WDR70: variants seen among roughly 807,000 people sequenced by gnomAD.
WDR70 encodes the protein WD repeat-containing protein 70.
Under a neutral mutation model 88.6 loss-of-function variants are expected in WDR70, and 53 were observed. The ratio of observed to expected loss-of-function variants is 0.60; its 90% CI spans 0.48 to 0.75. The LOEUF (loss-of-function observed/expected upper bound fraction) is 0.75. Among genes scored for constraint, WDR70 ranks in the 30% least tolerant of loss-of-function variants. The pLI, the probability that WDR70 is intolerant of heterozygous loss-of-function variation, is 0.00. For synonymous variants in WDR70, 280 were observed against 270.0 expected, an observed-to-expected ratio of 1.04 and a Z score of -0.36; for missense variants, 610 against 823.2, an observed-to-expected ratio of 0.74 and a Z score of 3.17.
chr5:37,551,195 C>G (rs1742133559), intron 9 of WDR70, among the ~76,000 whole-genome samples: 1 of 151,778 alleles, frequency 6.6e-6, no homozygotes, highest in Non-Finnish European at 1.5e-5. Flanking sequence ...GTCCCAGCTG[C>G]TCAGGAGGCC....
intron 5 of WDR70, among the ~76,000 whole-genome samples, chr5:37,401,973 G>A (rs953331673): frequency 1.3e-5 from 2 of 152,134 alleles, no homozygotes; most frequent in Non-Finnish European, 2.9e-5. Context: ...AAAATATGGA[G>A]TAAACAGTTG....
rs576335641 is a variant in WDR70 at position 37,483,732 on chromosome 5, C to T, written c.840+3745C>T. Among the ~76,000 whole-genome samples the T allele has an allele frequency of 7.0e-4, 105 of 150,208 alleles. 1 individual carries two copies. Among genetic ancestry groups the T allele is most frequent in the African/African-American group, 2.5e-3 (102 of 40,812 alleles). On this transcript the variant is annotated intron_variant, in intron 8 of 17. Transcript: ENST00000265107. ...GGGGCGGTGGCCTGGAGGAGGTGCC[C>T]CCCACCTCCCTCCCGGACGGGGCGG...
rs184184830 is a variant in WDR70, at chr5:37,646,498, C to A, written c.1092+41260C>A. On this transcript the variant is annotated intron_variant, in intron 10 of 17. Transcript: ENST00000265107. ...GATTTGTTTTTTGCCTATTAATATCCTTTTCTTTTAAATTGAATAATCCTT... is the reference window on the plus strand; with the variant it reads ...GATTTGTTTTTTGCCTATTAATATCATTTTCTTTTAAATTGAATAATCCTT... Among the ~76,000 whole-genome samples the A allele has an allele frequency of 1.6e-4, 25 of 152,074 alleles. 1 individual carries two copies. The highest frequency in any genetic ancestry group is 3.1e-4 in the Non-Finnish European group (21 of 67,958).
At chr5:37,389,563 C>T (rs1014702672) in intron 3 of WDR70, among the ~76,000 whole-genome samples, 2 of 152,092 alleles carry the variant, frequency 1.3e-5, no homozygotes, top group African/African-American at 4.8e-5. Flanking sequence ...AGGCGGCTGC[C>T]ACCACGCCTG....
intron 7 of WDR70, among the ~76,000 whole-genome samples, chr5:37,464,368 T>A (rs1739097259): frequency 6.6e-6 from 1 of 152,216 alleles, no homozygotes; most frequent in Admixed American, 6.5e-5. Flanking sequence ...GCCCTATAAT[T>A]TTCTCAGTTT....
chr5:37,642,018 A>T (rs1039470945), intron 10 of WDR70, among the ~76,000 whole-genome samples: 1 of 152,202 alleles, frequency 6.6e-6, no homozygotes, highest in Non-Finnish European at 1.5e-5. Flanking sequence ...ACATACACCT[A>T]TAGGAATTTT....
intron 9 of WDR70, among the ~76,000 whole-genome samples, chr5:37,594,311 A>T (rs1743630687): frequency 6.6e-6 from 1 of 152,106 alleles, no homozygotes; most frequent in South Asian, 2.1e-4. Flanking sequence ...ATCTTGAATT[A>T]ATTTTTTTAT....
At chr5:37,465,850 G>C (rs1286099002) in intron 7 of WDR70, among the ~76,000 whole-genome samples, 1 of 150,840 alleles carries the variant, frequency 6.6e-6, no homozygotes, top group Non-Finnish European at 1.5e-5. Flanking sequence ...ATTTTTGATA[G>C]ATAAATTTTA....
chr5:37,556,105 A>G (rs1374021264), intron 9 of WDR70, among the ~76,000 whole-genome samples: 1 of 151,268 alleles, frequency 6.6e-6, no homozygotes, highest in East Asian at 1.9e-4. Context: ...TACCTTACAT[A>G]TGCAACTAGT....
At chr5:37,546,628 A>G (rs1048371880) in intron 9 of WDR70, among the ~76,000 whole-genome samples, 1 of 152,202 alleles carries the variant, frequency 6.6e-6, no homozygotes, top group Non-Finnish European at 1.5e-5. Flanking sequence ...ATATTTATTT[A>G]TGAATTTAGA....
intron 8 of WDR70, among the ~76,000 whole-genome samples, chr5:37,497,461 G>A (rs57051760): frequency 2.9e-5 from 2 of 68,092 alleles, no homozygotes; most frequent in South Asian, 7.6e-4. Context: ...CTTTCCTTCC[G>A]TCTTCCCTTT....
intron 9 of WDR70, among the ~76,000 whole-genome samples, chr5:37,569,005 C>T (rs142082439): frequency 6.6e-6 from 1 of 152,268 alleles, no homozygotes; most frequent in Non-Finnish European, 1.5e-5. Context: ...CCAGTCACCC[C>T]ATCCAAGAGC....
At chr5:37,484,835 G>A (rs1024947807) in intron 8 of WDR70, among the ~76,000 whole-genome samples, 7 of 152,192 alleles carry the variant, frequency 4.6e-5, no homozygotes, top group African/African-American at 1.7e-4. Flanking sequence ...ACTACCTGAG[G>A]ATGTGTTTTT....
At chr5:37,677,070 C>T (rs13182520) in intron 10 of WDR70, among the ~76,000 whole-genome samples, 43,640 of 151,932 alleles carry the variant, frequency 0.29, 6,984 homozygotes, top group East Asian at 0.54. Flanking sequence ...TCTGTGGGAT[C>T]GGTGGTGATA....
chr5:37,621,398 C>G (rs10055123), intron 10 of WDR70, among the ~76,000 whole-genome samples: 15,983 of 152,042 alleles, frequency 0.11, 2,712 homozygotes, highest in African/African-American at 0.36. Context: ...TTGCAACCAC[C>G]AATTCTCTAG....
rs184446194 is a variant in WDR70, at chr5:37,512,097, T to C, written c.841-4417T>C. ...TGGCTCTAGGCAAGAATGCCCTTTC[T>C]TGCCTTTTTCAGCTTCTGGTGACTC... On this transcript the variant is annotated intron_variant, in intron 8 of 17. Transcript: ENST00000265107. 3.3e-5 allele frequency among the ~76,000 whole-genome samples: 5 copies of C among 152,344 alleles called. No individual in the cohort carries two copies. The East Asian group carries it at 9.6e-4, about 29-fold the overall frequency.
At chr5:37,483,794 G>T (rs190938835) in intron 8 of WDR70, among the ~76,000 whole-genome samples, 1 of 150,330 alleles carries the variant, frequency 6.7e-6, no homozygotes, top group Non-Finnish European at 1.5e-5. Context: ...CCTCCCTCCC[G>T]GACGGGGCGG....
At chr5:37,715,871 C>T (rs1176280992) in intron 13 of WDR70, among the ~76,000 whole-genome samples, 1 of 151,980 alleles carries the variant, frequency 6.6e-6, no homozygotes, top group Non-Finnish European at 1.5e-5. Flanking sequence ...TTTGGGTTCA[C>T]ATCTTGATCT....
At chr5:37,506,556 G>A in intron 8 of WDR70, 1 of 772,634 alleles carries the variant, frequency 1.3e-6, no homozygotes, top group Non-Finnish European at 2.4e-6. Flanking sequence ...CCGTGTAGTT[G>A]TAAAGTACCT....
Sources: allele counts gnomAD v4.1 joint callset (sites outside exome capture counted in the v4.1 genomes callset), GRCh38; gene constraint gnomAD v4.1.1; transcripts MANE v1.5; gene names NCBI Gene and HGNC (gene_info 2026-07-23, HGNC 2026-07-21).